Variants in TMEM71 observed in about 807,000 individuals in gnomAD.
The protein encoded by TMEM71 is transmembrane protein 71.
In TMEM71, 44 loss-of-function variants were observed where a neutral mutation model predicts 38.0. That is an observed-to-expected ratio of 1.16 (90% confidence interval 0.91 to 1.49). The LOEUF is 1.49. Among genes scored for constraint, TMEM71 ranks in the 40% most tolerant of loss-of-function variants. TMEM71 has a pLI of 0.00. For synonymous variants in TMEM71, 133 were observed against 122.5 expected (o/e 1.09, Z -0.56); for missense variants, 367 against 348.6 (o/e 1.05, Z -0.42).
At chr8:132,719,580 T>A (rs753595321) in intron 7 of TMEM71, among the ~76,000 whole-genome samples, 5 of 152,262 alleles carry the variant, frequency 3.3e-5, no homozygotes, top group African/African-American at 1.2e-4. Context: ...ACTCAACCTG[T>A]ATGTGCAAAC....
At chr8:132,759,507 T>C (rs1829213762) in intron 1 of TMEM71, 1 of 152,240 alleles carries the variant, frequency 6.6e-6, no homozygotes, top group Non-Finnish European at 1.5e-5. Context: ...ATTTTAGAAC[T>C]TAGTTCCCAT....
chr8:132,775,396 CCGGCGGCGGAGGCGGCGG>C, the TMEM71 span: 3 of 379,696 alleles, frequency 7.9e-6, no homozygotes, highest in African/African-American at 6.3e-5. Context: ...TCAGGGCTGG[CCGGCGGCGGAGGCGGCGG>C]CGGCGGCGGC....
chr8:132,737,611 A>G (rs752017889), intron 5 of TMEM71, among the ~76,000 whole-genome samples: 14 of 152,300 alleles, frequency 9.2e-5, no homozygotes, highest in Non-Finnish European at 2.1e-4. Context: ...TACCTAAGCT[A>G]CCTTAGCTTC....
intron 6 of TMEM71, among the ~76,000 whole-genome samples, chr8:132,726,481 T>A (rs1229681168): frequency 6.6e-6 from 1 of 152,230 alleles, no homozygotes; most frequent in African/African-American, 2.4e-5. Context: ...CATGACATAG[T>A]ATGCTAAGTA....
intron 6 of TMEM71, among the ~76,000 whole-genome samples, chr8:132,726,379 A>AT (rs1449520910): frequency 6.6e-6 from 1 of 152,122 alleles, no homozygotes; most frequent in Non-Finnish European, 1.5e-5. Context: ...AATATTTATG[A>AT]TTTTTTGAAA....
chr8:132,775,394 G>A, the TMEM71 span: 1 of 379,698 alleles, frequency 2.6e-6, no homozygotes, highest in Admixed American at 4.6e-5. Flanking sequence ...CGTCAGGGCT[G>A]GCCGGCGGCG....
intron 6 of TMEM71, 23 bp from the exon 7 acceptor site, chr8:132,722,138 A>G: frequency 6.4e-7 from 1 of 1,567,964 alleles, no homozygotes; most frequent in Non-Finnish European, 8.8e-7. Flanking sequence ...ACAAAAACAA[A>G]TAAATTAGAA....
chr8:132,773,784 A>G, the TMEM71 span, among the ~76,000 whole-genome samples: 2 of 152,166 alleles, frequency 1.3e-5, no homozygotes, highest in African/African-American at 2.4e-5. Flanking sequence ...TGAGTTTCTG[A>G]TATTTTCATC....
At chr8:132,744,734 C>G (rs540132166) in intron 5 of TMEM71, among the ~76,000 whole-genome samples, 1 of 152,050 alleles carries the variant, frequency 6.6e-6, no homozygotes, top group African/African-American at 2.4e-5. Flanking sequence ...CAATTCTAAG[C>G]AAAAAGAACA....
intron 6 of TMEM71, among the ~76,000 whole-genome samples, chr8:132,726,708 C>G (rs1025937486): frequency 1.3e-5 from 2 of 152,156 alleles, no homozygotes; most frequent in Non-Finnish European, 1.5e-5. Context: ...CATTAGCAAA[C>G]CAGAGACTAA....
upstream of TMEM71, among the ~76,000 whole-genome samples, chr8:132,764,446 AT>A (rs1449077290): frequency 1.6e-3 from 237 of 152,214 alleles, no homozygotes; most frequent in African/African-American, 5.6e-3. Context: ...CCCTGATTAA[AT>A]TCATCAGTGC....
At chr8:132,762,671 C>T (rs533748348), upstream of TMEM71, among the ~76,000 whole-genome samples, 67 of 152,132 alleles carry the variant, frequency 4.4e-4, no homozygotes, top group Non-Finnish European at 8.4e-4. Context: ...GAAGAGCAAA[C>T]TGAGTTTAGA....
In TMEM71 at chr8:132,735,094, C is replaced by A. The variant is rs540857463; in HGVS notation, c.488-7108G>T. Among the ~76,000 whole-genome samples, 7 of 152,334 alleles carry A rather than the reference C, an allele frequency of 4.6e-5. No homozygotes were observed. The East Asian group carries it at 1.3e-3, about 29-fold the overall frequency. On this transcript the variant is annotated intron_variant, in intron 5 of 9. Transcript: ENST00000677595. ...AGGACTGGCAGAAATAGAGTCCATC[C>A]TGTTCAGTCCTCCCTGCGTGAATCC...
chr8:132,723,774 T>A (rs1826979365), intron 6 of TMEM71, among the ~76,000 whole-genome samples: 2 of 152,336 alleles, frequency 1.3e-5, no homozygotes, highest in South Asian at 4.1e-4. Flanking sequence ...TGATTTTTTC[T>A]GACTTTCCTC....
rs1158213492 is a variant in TMEM71 at position 132,710,978 on chromosome 8, CA to C, written c.876del (p.Phe292LeufsTer42). The C allele has an allele frequency of 1.2e-6, 2 of 1,606,476 alleles. No individual in the cohort carries two copies. The highest frequency in any genetic ancestry group is 1.7e-5 in the Admixed American group (1 of 57,584). ...SYFKTTACAR[F>X]VKI ...TTCCTAAATGGTTGTCAAATTTTGA[CA>C]AACCTAGATTGGAGAAATAAGAAAA... On this transcript the variant is annotated frameshift_variant, in exon 10 of 10. Coordinates refer to ENST00000677595, the MANE Select transcript of TMEM71 (RefSeq NM_001382403.1). LOFTEE classifies it high-confidence loss of function.
the TMEM71 span, among the ~76,000 whole-genome samples, chr8:132,766,217 T>C: frequency 6.6e-6 from 1 of 152,176 alleles, no homozygotes; most frequent in Non-Finnish European, 1.5e-5. Context: ...ACAGGAGGGC[T>C]GTCAGAAATA....
At chr8:132,707,695 A>G (rs1428415251), downstream of TMEM71, among the ~76,000 whole-genome samples, 1 of 152,204 alleles carries the variant, frequency 6.6e-6, no homozygotes, top group Non-Finnish European at 1.5e-5. Flanking sequence ...ACTGTGAGAA[A>G]TATGTTTCTT....
upstream of TMEM71, among the ~76,000 whole-genome samples, chr8:132,763,434 TA>T (rs1829327174): frequency 1.3e-5 from 2 of 152,230 alleles, no homozygotes; most frequent in South Asian, 4.1e-4. Flanking sequence ...TCAGAACCTT[TA>T]TTCTGCATGT....
chr8:132,746,928 G>A lies in TMEM71; in HGVS notation c.487+14C>T, dbSNP rs377648288. Reference sequence around the variant, plus strand: ...AGATAAAATTTTACTATGGAAAGGAGGACTCAAACTCACCATTTCCATTGC... The same window carrying A: ...AGATAAAATTTTACTATGGAAAGGAAGACTCAAACTCACCATTTCCATTGC... On this transcript the variant is annotated intron_variant, in intron 5 of 9. Transcript: ENST00000677595. 2 of 1,569,412 alleles carry A rather than the reference G, an allele frequency of 1.3e-6. No homozygotes were observed. Among genetic ancestry groups the A allele is most frequent in the Non-Finnish European group, 1.7e-6 (2 of 1,160,878 alleles).
Sources: gnomAD v4.1 joint callset for allele counts (sites outside exome capture counted in the v4.1 genomes callset) on GRCh38, gnomAD v4.1.1 for gene constraint, MANE v1.5 for transcripts, NCBI Gene and HGNC (gene_info 2026-07-23, HGNC 2026-07-21) for gene names.